ZDHHC11B: variants seen among roughly 807,000 people sequenced by gnomAD.
ZDHHC11B encodes probable palmitoyltransferase ZDHHC11B.
A neutral mutation model predicts 42.3 loss-of-function variants in ZDHHC11B; 17 were observed. The ratio of observed to expected loss-of-function variants is 0.40; its 90% CI spans 0.27 to 0.60. ZDHHC11B has a LOEUF of 0.60. Ranked by LOEUF, ZDHHC11B falls within the 20% of genes least tolerant of loss-of-function variation. ZDHHC11B has a pLI of 0.41. For missense variants in ZDHHC11B, 262 were observed against 463.2 expected (o/e 0.57, Z 3.99); for synonymous variants, 123 against 193.5 (o/e 0.64, Z 3.02).
intron 11 of ZDHHC11B, chr5:732,107 T>C (rs2127006004): frequency 6.5e-6 from 1 of 152,850 alleles, no homozygotes; most frequent in South Asian, 2.1e-4. Flanking sequence ...GGGGAGGCGA[T>C]GGACTGTAGG....
At chr5:721,529 T>C (rs1579244716) in intron 12 of ZDHHC11B, among the ~76,000 whole-genome samples, 1 of 151,228 alleles carries the variant, frequency 6.6e-6, no homozygotes, top group East Asian at 2.0e-4. Context: ...CCCCGAGATA[T>C]GGAGGGTCCC....
At chr5:741,915 C>CACTATCAAAAA (rs70955297) in intron 9 of ZDHHC11B, among the ~76,000 whole-genome samples, 1 of 56,224 alleles carries the variant, frequency 1.8e-5, no homozygotes. Context: ...ATTTAACTCC[C>CACTATCAAAAA]ACGCAGGAGA....
intron 12 of ZDHHC11B, 91 bp from the exon 13 acceptor site, chr5:716,956 G>A: frequency 1.9e-6 from 3 of 1,574,612 alleles, no homozygotes; most frequent in Non-Finnish European, 1.7e-6. Context: ...GTAAACAAGA[G>A]TACATTTTAG....
At chr5:732,712 C>A (rs1743113924) in intron 11 of ZDHHC11B, 2 of 428,090 alleles carry the variant, frequency 4.7e-6, no homozygotes, top group Admixed American at 2.6e-5. Flanking sequence ...CAGAAACTGG[C>A]CCCCTCACAA....
rs547195003 is a variant in ZDHHC11B at position 759,154 on chromosome 5, G to A, written c.223-3010C>T. ...AAACTGCCTGCCCTCTGGAAGTTTC[G>A]GTCTCAAGCTGTCTTGAGAACCGTA... is the stretch of plus-strand genomic sequence containing the variant. On this transcript the variant is annotated intron_variant, in intron 4 of 13. Transcript: ENST00000508859. Among the ~76,000 whole-genome samples the A allele has an allele frequency of 1.3e-3, 192 of 151,930 alleles. 4 individuals carry two copies. The highest frequency in any genetic ancestry group is 6.8e-3 in the Middle Eastern group (2 of 294).
chr5:750,712 C>T (rs1469816617), intron 7 of ZDHHC11B, among the ~76,000 whole-genome samples: 1 of 126,240 alleles, frequency 7.9e-6, no homozygotes, highest in Non-Finnish European at 1.7e-5. Flanking sequence ...CCGCAGCCTA[C>T]AGCCCAGCAC....
At chr5:762,507 A>G (rs1579408893) in intron 4 of ZDHHC11B, among the ~76,000 whole-genome samples, 1 of 151,758 alleles carries the variant, frequency 6.6e-6, no homozygotes, top group Non-Finnish European at 1.5e-5. Context: ...TCCCAAGGGA[A>G]CTTTAGCTGC....
chr5:749,832 G>GA (rs1301348967), intron 7 of ZDHHC11B, among the ~76,000 whole-genome samples: 2 of 123,106 alleles, frequency 1.6e-5, no homozygotes, highest in African/African-American at 5.6e-5. Context: ...ACTTGCTACA[G>GA]GGGGAGAAGA....
chr5:775,280 A>C (rs1736380578), intron 1 of ZDHHC11B, among the ~76,000 whole-genome samples: 1 of 151,910 alleles, frequency 6.6e-6, no homozygotes, highest in South Asian at 2.1e-4. Flanking sequence ...GCTGACCCCC[A>C]GAGCTCGCTC....
intron 10 of ZDHHC11B, among the ~76,000 whole-genome samples, chr5:739,692 T>TA (rs1437497233): frequency 2.8e-5 from 4 of 145,266 alleles, no homozygotes; most frequent in South Asian, 2.4e-4. Flanking sequence ...ACAACTACTA[T>TA]AAAAAACAGT....
At chr5:717,273 C>T (rs575372640) in intron 12 of ZDHHC11B, among the ~76,000 whole-genome samples, 1 of 151,798 alleles carries the variant, frequency 6.6e-6, no homozygotes, top group African/African-American at 2.4e-5. Flanking sequence ...ATCGTGGAGC[C>T]TTAAGTGTTT....
At chr5:731,628 T>C (rs1281934050) in intron 11 of ZDHHC11B, among the ~76,000 whole-genome samples, 1 of 151,868 alleles carries the variant, frequency 6.6e-6, no homozygotes, top group Non-Finnish European at 1.5e-5. Flanking sequence ...ATATGACTTG[T>C]AAATATTTTA....
intron 4 of ZDHHC11B, among the ~76,000 whole-genome samples, chr5:758,376 G>A (rs72707094): frequency 0.046 from 6,827 of 148,366 alleles, 22 homozygotes; most frequent in East Asian, 0.12. Context: ...GCCCTTGGTC[G>A]CCACATCCGA....
intron 7 of ZDHHC11B, among the ~76,000 whole-genome samples, chr5:749,051 G>T (rs1579336187): frequency 8.9e-6 from 1 of 112,256 alleles, no homozygotes; most frequent in African/African-American, 2.8e-5. Flanking sequence ...AAGTGCCAGG[G>T]TCACAGTGCC....
chr5:773,829 C>T (rs1360016925), intron 1 of ZDHHC11B, among the ~76,000 whole-genome samples: 1 of 151,848 alleles, frequency 6.6e-6, no homozygotes, highest in Non-Finnish European at 1.5e-5. Context: ...CCCACTCCCA[C>T]ACACCTGCAG....
intron 1 of ZDHHC11B, among the ~76,000 whole-genome samples, chr5:777,496 T>C (rs1175131915): frequency 1.3e-5 from 2 of 151,842 alleles, no homozygotes; most frequent in African/African-American, 2.4e-5. Context: ...CAAGATTTAT[T>C]GCTAAGAGCA....
chr5:718,806 T>C (rs1741971964), intron 12 of ZDHHC11B, among the ~76,000 whole-genome samples: 1 of 151,764 alleles, frequency 6.6e-6, no homozygotes, highest in Admixed American at 6.6e-5. Context: ...CCTGTGGCTA[T>C]AAGGGCAGCA....
chr5:772,122 G>A (rs1361994114), intron 1 of ZDHHC11B, among the ~76,000 whole-genome samples: 1 of 151,454 alleles, frequency 6.6e-6, no homozygotes, highest in Non-Finnish European at 1.5e-5. Context: ...GAGTGAAGAG[G>A]AGAAACTGAG....
At chr5:773,955 G>C (rs1453694313) in intron 1 of ZDHHC11B, among the ~76,000 whole-genome samples, 1 of 151,924 alleles carries the variant, frequency 6.6e-6, no homozygotes, top group Non-Finnish European at 1.5e-5. Context: ...GAAGATGAGG[G>C]CAGAGGTGGC....
Sources: allele counts gnomAD v4.1 joint callset (sites outside exome capture counted in the v4.1 genomes callset), GRCh38; gene constraint gnomAD v4.1.1; transcripts MANE v1.5; gene names NCBI Gene and HGNC (gene_info 2026-07-23, HGNC 2026-07-21).